Variants in CDK5RAP2 observed in about 807,000 individuals in gnomAD.
CDK5RAP2 encodes the protein CDK5 regulatory subunit-associated protein 2.
CDK5RAP2 carries 147 observed loss-of-function variants against 232.9 expected under a neutral mutation model. The observed-to-expected ratio is 0.63, with a 90% CI of 0.55 to 0.72. CDK5RAP2 has a LOEUF of 0.72. Ranked by LOEUF, CDK5RAP2 falls within the 30% of genes least tolerant of loss-of-function variation. The pLI, the probability that CDK5RAP2 is intolerant of heterozygous loss-of-function variation, is 0.00. For missense variants in CDK5RAP2, 2,195 were observed against 2,231.5 expected, an observed-to-expected ratio of 0.98 and a Z score of 0.33; for synonymous variants, 833 against 833.7, an observed-to-expected ratio of 1.00 and a Z score of 0.01.
intron 31 of CDK5RAP2, 23 bp from the exon 32 acceptor site, chr9:120,407,271 G>A (rs751512955): frequency 6.4e-7 from 1 of 1,562,914 alleles, no homozygotes; most frequent in Non-Finnish European, 8.8e-7. Flanking sequence ...GCAAAGAGAA[G>A]CCCTGACATC....
chr9:120,410,669 C>A (rs1045969668), intron 29 of CDK5RAP2, among the ~76,000 whole-genome samples: 2 of 152,158 alleles, frequency 1.3e-5, no homozygotes, highest in Non-Finnish European at 2.9e-5. Flanking sequence ...CTGACAGAGG[C>A]CCCAATTTCA....
At position 120,425,177 on chromosome 9, in the gene CDK5RAP2, A is replaced by G. The variant is rs1242372510; in HGVS notation, c.3956-2436T>C. On this transcript the variant is annotated intron_variant, in intron 25 of 37. Transcript: ENST00000349780. ...GATGTGCCCTGATGCCACCAGCAGC[A>G]TGAGTTTCCCCATCAAATAACAGAC... is the stretch of plus-strand genomic sequence containing the variant. Among the ~76,000 whole-genome samples the G allele has an allele frequency of 2.6e-5, 4 of 152,198 alleles. No homozygotes were observed. The East Asian group carries it at 7.7e-4, about 29-fold the overall frequency.
At chr9:120,515,825 C>T (rs905696521) in intron 12 of CDK5RAP2, among the ~76,000 whole-genome samples, 2 of 152,186 alleles carry the variant, frequency 1.3e-5, no homozygotes, top group African/African-American at 4.8e-5. Context: ...TGAGATACCA[C>T]CTCACACCAG....
chr9:120,447,853 G>C (rs377342364), intron 22 of CDK5RAP2, 42 bp downstream of exon 22: 3 of 1,405,402 alleles, frequency 2.1e-6, no homozygotes, highest in Non-Finnish European at 2.0e-6. Context: ...CTATCGAGCC[G>C]TTTGTCTAGC....
chr9:120,397,217 G>T (rs62580498), intron 35 of CDK5RAP2, among the ~76,000 whole-genome samples: 2 of 152,018 alleles, frequency 1.3e-5, no homozygotes, highest in East Asian at 3.9e-4. Flanking sequence ...AAACATTTAC[G>T]AAAGCAGAAA....
In CDK5RAP2 at chr9:120,518,434, G is replaced by A; in HGVS notation, c.1304C>T (p.Thr435Ile). 6.2e-7 allele frequency: 1 copy of A among 1,613,198 alleles called. No homozygotes were observed. Among genetic ancestry groups the A allele is most frequent in the Non-Finnish European group, 8.5e-7 (1 of 1,179,786 alleles). Residue 435 changes from threonine to isoleucine, a missense_variant, in exon 12 of 38, where the codon ACC becomes ATC. Transcript: ENST00000349780. ...GGGCAGGGCGGTACTCACACGGATG[G>A]TGCAGTCTCCTTTGCTCTTCTCTCG... is the stretch of plus-strand genomic sequence containing the variant. ...AHREKSKGDC[T>I]IRDLRNEVEK...
At chr9:120,550,329 T>C (rs555418539) in intron 4 of CDK5RAP2, among the ~76,000 whole-genome samples, 3 of 152,336 alleles carry the variant, frequency 2.0e-5, no homozygotes, top group Non-Finnish European at 4.4e-5. Flanking sequence ...GCACTGACTG[T>C]GTGCTGGAGC....
At chr9:120,407,510 C>T (rs960111447) in intron 31 of CDK5RAP2, 11 of 513,900 alleles carry the variant, frequency 2.1e-5, no homozygotes, top group Admixed American at 1.3e-4. Flanking sequence ...CACCAAACCC[C>T]GAAATTATGT....
Position 120,527,889 on chromosome 9 carries a change from T to C in CDK5RAP2, c.916A>G (p.Ile306Val). The change falls in exon 10 of 38, where the codon ATT (isoleucine) becomes GTT (valine). Residue 306 changes from isoleucine (I) to valine (V), a missense_variant. Coordinates refer to ENST00000349780, the MANE Select transcript of CDK5RAP2 (RefSeq NM_018249.6). ...AGACTATTTTTCTTCTCTGTAGCAA[T>C]TTCTCTTTCCTTCTCTCTCAGGTCC... ...EEDLREKERE[I>V]ATEKKNSLKR... The C allele has an allele frequency of 6.2e-7, 1 of 1,613,942 alleles. No individual in the cohort carries two copies. Among genetic ancestry groups the C allele is most frequent in the African/African-American group, 1.3e-5 (1 of 75,062 alleles).
Position 120,521,644 on chromosome 9 carries a change from CTTTTTTTT to C in CDK5RAP2, c.1093-3007_1093-3000del, listed in dbSNP as rs71266575. ...TTGTGAGTCCATTAAACCTCTTTTT[CTTTTTTTT>C]TTTTTTTTTTTTTGAGACAGTCTCG... On this transcript the variant is annotated intron_variant, in intron 11 of 37. Transcript: ENST00000349780. Among the ~76,000 whole-genome samples the C allele has an allele frequency of 7.7e-3, 970 of 125,746 alleles. 5 individuals are homozygous for C. Among genetic ancestry groups the C allele is most frequent in the African/African-American group, 0.028 (917 of 33,096 alleles). 82.5% of individuals were successfully genotyped at this position (125,746 alleles called of 152,430 possible). A position where few individuals can be genotyped will look rare whatever the true frequency, so the allele number is the denominator to read the frequency against.
At chr9:120,452,941 C>T (rs2036555667) in intron 21 of CDK5RAP2, among the ~76,000 whole-genome samples, 1 of 152,148 alleles carries the variant, frequency 6.6e-6, no homozygotes, top group Non-Finnish European at 1.5e-5. Flanking sequence ...ACCTCTCCTA[C>T]ACAAAGTCTG....
intron 12 of CDK5RAP2, among the ~76,000 whole-genome samples, chr9:120,492,506 T>C (rs996768240): frequency 2.0e-5 from 3 of 152,304 alleles, no homozygotes; most frequent in East Asian, 1.9e-4. Context: ...TGCAATCATT[T>C]AAACGTTTAT....
chr9:120,515,868 A>G (rs1165183167), intron 12 of CDK5RAP2, among the ~76,000 whole-genome samples: 1 of 152,220 alleles, frequency 6.6e-6, no homozygotes, highest in East Asian at 1.9e-4. Flanking sequence ...GTCAGGAAAC[A>G]ACAGGTGCTG....
intron 25 of CDK5RAP2, among the ~76,000 whole-genome samples, chr9:120,434,373 G>C (rs894274305): frequency 1.3e-5 from 2 of 152,136 alleles, no homozygotes; most frequent in African/African-American, 2.4e-5. Context: ...AGAGAGTGCA[G>C]CCAGGGCGAT....
At chr9:120,553,264 G>A (rs1160634219) in intron 3 of CDK5RAP2, among the ~76,000 whole-genome samples, 3 of 152,132 alleles carry the variant, frequency 2.0e-5, no homozygotes, top group Non-Finnish European at 4.4e-5. Context: ...ACTGCCTATA[G>A]AGAAAATTCC....
intron 23 of CDK5RAP2, 50 bp downstream of exon 23, chr9:120,443,570 G>A: frequency 6.2e-7 from 1 of 1,601,586 alleles, no homozygotes; most frequent in East Asian, 2.2e-5. Flanking sequence ...CATCCAAATG[G>A]TGCCTGGCAC....
In CDK5RAP2 at chr9:120,529,995, T is replaced by C. The variant is rs1402393260; in HGVS notation, c.808A>G (p.Lys270Glu). ...CACCTCACCTCAGTTTCTCTCTCCT[T>C]TTCTTCCCTTGGAGCAGCACAAAGT... is the stretch of plus-strand genomic sequence containing the variant. ...RGLCAAPREE[K>E]ERETEAAQME... Residue 270 changes from lysine (K) to glutamate (E), a missense_variant, in exon 8 of 38, where the codon AAG becomes GAG. Coordinates refer to ENST00000349780, the MANE Select transcript of CDK5RAP2 (RefSeq NM_018249.6). 3 of 1,613,898 alleles carry C rather than the reference T, an allele frequency of 1.9e-6. No individual in the cohort carries two copies. The highest frequency in any genetic ancestry group is 4.5e-5 in the East Asian group (2 of 44,860).
intron 1 of CDK5RAP2, among the ~76,000 whole-genome samples, chr9:120,579,097 A>ATTGCTG (rs2043147243): frequency 6.6e-6 from 1 of 152,188 alleles, no homozygotes; most frequent in Admixed American, 6.5e-5. Flanking sequence ...CCTTCCTACC[A>ATTGCTG]GACCCCAGCT....
At chr9:120,547,543 G>A (rs1048430663) in intron 4 of CDK5RAP2, among the ~76,000 whole-genome samples, 3 of 151,982 alleles carry the variant, frequency 2.0e-5, no homozygotes, top group African/African-American at 2.4e-5. Context: ...GGCAGAGGTC[G>A]CAGTGAGCCA....
Sources: gnomAD v4.1 joint callset for allele counts (sites outside exome capture counted in the v4.1 genomes callset) on GRCh38, gnomAD v4.1.1 for gene constraint, MANE v1.5 for transcripts, NCBI Gene and HGNC (gene_info 2026-07-23, HGNC 2026-07-21) for gene names.